Variants in GRIK5 observed in about 807,000 individuals in gnomAD.
The protein encoded by GRIK5 is glutamate ionotropic receptor kainate type subunit 5, also known as glutamate receptor ionotropic, kainate 5.
Under a neutral mutation model 97.4 loss-of-function variants are expected in GRIK5, and 43 were observed. The observed-to-expected ratio is 0.44, with a 90% CI of 0.35 to 0.57. The LOEUF (loss-of-function observed/expected upper bound fraction) is 0.57, where lower values mean the gene tolerates loss of function less well. GRIK5 is among the 20% of genes least tolerant of loss of function. The pLI is 0.01. For missense variants in GRIK5, 1,015 were observed against 1,382.0 expected (o/e 0.73, Z 4.21); for synonymous variants, 580 against 583.5 (o/e 0.99, Z 0.09).
intron 1 of GRIK5, among the ~76,000 whole-genome samples, chr19:42,068,035 A>G (rs1365787881): frequency 6.6e-6 from 1 of 152,198 alleles, no homozygotes; most frequent in African/African-American, 2.4e-5. Context: ...CAGGTACAAG[A>G]CTTGGGAGAA....
At chr19:42,016,191 G>A (rs2075621254) in intron 15 of GRIK5, among the ~76,000 whole-genome samples, 1 of 152,142 alleles carries the variant, frequency 6.6e-6, no homozygotes, top group South Asian at 2.1e-4. Context: ...AGGCCGAGGT[G>A]GGTGGATCAT....
Position 42,022,726 on chromosome 19 carries a change from A to G in GRIK5, c.1474-372T>C. On this transcript the variant is annotated intron_variant, in intron 12 of 19. Coordinates refer to ENST00000593562, the MANE Select transcript of GRIK5 (RefSeq NM_002088.5). This position sits in a 1 kb window ranked among gnomAD's most constrained non-coding sequence, Gnocchi z 4.2. ...AAGGGGCTGAGACTGACAGCACTCGAGATAATACAGGCCCGGACAGAACAC... is the reference window on the plus strand; with the variant it reads ...AAGGGGCTGAGACTGACAGCACTCGGGATAATACAGGCCCGGACAGAACAC... 1.1e-6 allele frequency: 1 copy of G among 893,944 alleles called. No individual in the cohort carries two copies. The highest frequency in any genetic ancestry group is 1.8e-5 in the African/African-American group (1 of 55,258). The allele number at this position is 893,944 out of a possible 1,614,324, so 55.4% of individuals were successfully genotyped here.
intron 15 of GRIK5, among the ~76,000 whole-genome samples, chr19:42,016,716 G>A (rs1019810458): frequency 4.6e-5 from 7 of 152,198 alleles, no homozygotes; most frequent in Non-Finnish European, 8.8e-5. Flanking sequence ...GTTAGTATGC[G>A]CATAGCATGG....
In GRIK5 at chr19:42,034,725, C is replaced by T. The variant is rs112667331; in HGVS notation, c.1473+7827G>A. Among the ~76,000 whole-genome samples, 362 of 152,208 alleles carry T rather than the reference C, an allele frequency of 2.4e-3. 5 individuals carry two copies. The highest frequency in any genetic ancestry group is 8.2e-3 in the African/African-American group (340 of 41,536). On this transcript the variant is annotated intron_variant, in intron 12 of 19. Coordinates refer to ENST00000593562, the MANE Select transcript of GRIK5 (RefSeq NM_002088.5). ...CACCCCTTTTAGGTCTCTTCTCAAACGTTATCCAACCACCTTGTCTAAAAC... is the reference window on the plus strand; with the variant it reads ...CACCCCTTTTAGGTCTCTTCTCAAATGTTATCCAACCACCTTGTCTAAAAC...
At position 42,021,968 on chromosome 19, in the gene GRIK5, C is replaced by A; in HGVS notation, c.1676G>T (p.Cys559Phe). The change falls in exon 14 of 20, where the codon TGC becomes TTC. Residue 559 changes from cysteine (C) to phenylalanine (F), a missense_variant. Coordinates refer to ENST00000593562, the MANE Select transcript of GRIK5 (RefSeq NM_002088.5). This position sits in a 1 kb window ranked among gnomAD's most constrained non-coding sequence, Gnocchi z 4.2. The part of the protein sequence containing the change: ...FMLLAYLAVS[C>F]VLFLAARLSP... ...TCACCTGGCAGCCAGAAACAGGACG[C>A]AGCTGACAGCCAGGTAGGCAAGAAG... 1 of 1,613,222 alleles carries A rather than the reference C, an allele frequency of 6.2e-7. No homozygotes were observed.
rs1599745717 is a variant in GRIK5, at chr19:42,006,530, G to A, written c.2037+115C>T. ...TGTGTTTTCTGCTCCCCAGCCTCCAGGCTGTCACTGACAATCAGTCCCTCT... is the reference window on the plus strand; with the variant it reads ...TGTGTTTTCTGCTCCCCAGCCTCCAAGCTGTCACTGACAATCAGTCCCTCT... On this transcript the variant is annotated intron_variant, in intron 16 of 19. Transcript: ENST00000593562. This position sits in a 1 kb window ranked among gnomAD's most constrained non-coding sequence, Gnocchi z 5.3. 1.1e-6 allele frequency: 1 copy of A among 885,860 alleles called. No individual in the cohort carries two copies. Among genetic ancestry groups the A allele is most frequent in the Non-Finnish European group, 1.8e-6 (1 of 564,330 alleles). 54.9% of individuals were successfully genotyped at this position (885,860 alleles called of 1,614,324 possible).
At chr19:42,055,480 ATG>A (rs2076171354) in intron 8 of GRIK5, among the ~76,000 whole-genome samples, 2 of 152,212 alleles carry the variant, frequency 1.3e-5, no homozygotes, top group Admixed American at 6.5e-5. Flanking sequence ...GACACCTGTT[ATG>A]AGCTAGGCTG....
At position 42,002,352 on chromosome 19, in the gene GRIK5, G is replaced by A; in HGVS notation, c.2514+980C>T. The A allele has an allele frequency of 1.4e-6, 1 of 717,652 alleles. No individual in the cohort carries two copies. 44.5% of individuals were successfully genotyped at this position (717,652 alleles called of 1,614,324 possible). On this transcript the variant is annotated intron_variant, in intron 19 of 19. Transcript: ENST00000593562. This position sits in a 1 kb window ranked among gnomAD's most constrained non-coding sequence, Gnocchi z 5.2. ...AGAAATGACAGCATATTTGTACGTT[G>A]GTGGCCTGAATCCAATAAAGAGAGG...
intron 15 of GRIK5, among the ~76,000 whole-genome samples, chr19:42,008,071 A>C (rs1555873139): frequency 1.3e-5 from 2 of 151,732 alleles, no homozygotes; most frequent in Admixed American, 6.6e-5. Flanking sequence ...TCACTCTGTC[A>C]CCCAGGCTGG....
At chr19:42,060,276 C>T (rs892526436) in intron 5 of GRIK5, among the ~76,000 whole-genome samples, 1 of 151,852 alleles carries the variant, frequency 6.6e-6, no homozygotes, top group Non-Finnish European at 1.5e-5. Context: ...TGAGCATGTG[C>T]TCTGTGCCAG....
At chr19:42,035,140 A>G (rs1220165618) in intron 12 of GRIK5, among the ~76,000 whole-genome samples, 2 of 151,878 alleles carry the variant, frequency 1.3e-5, no homozygotes, top group Non-Finnish European at 1.5e-5. Flanking sequence ...CACCACATCC[A>G]GCTAATTTTT....
Position 42,022,080 on chromosome 19 carries a change from C to G in GRIK5, c.1588-24G>C. 2.6e-6 allele frequency: 4 copies of G among 1,549,734 alleles called. No individual in the cohort carries two copies. The highest frequency in any genetic ancestry group is 3.6e-6 in the Non-Finnish European group (4 of 1,126,508). ...CCCTGTGGGGAGAGGGAGTGAGACCCGGAGACACCCCTGGCCTGAGCCTCA... is the reference window on the plus strand; with the variant it reads ...CCCTGTGGGGAGAGGGAGTGAGACCGGGAGACACCCCTGGCCTGAGCCTCA... On this transcript the variant is annotated intron_variant, in intron 13 of 19. Transcript: ENST00000593562. This position sits in a 1 kb window ranked among gnomAD's most constrained non-coding sequence, Gnocchi z 4.2.
At position 42,005,717 on chromosome 19, in the gene GRIK5, C is replaced by A. The variant is rs1555872342; in HGVS notation, c.2263+6G>T. On this transcript the variant is annotated splice_donor_region_variant and intron_variant, in intron 17 of 19. Transcript: ENST00000593562. ...CTGCTGTGTTCCACACCGTGCTGTG[C>A]CGTACCCAGCGGCATGCCAATGCCG... is the stretch of plus-strand genomic sequence containing the variant. 7 of 1,598,150 alleles carry A rather than the reference C, an allele frequency of 4.4e-6. No individual in the cohort carries two copies. In the East Asian group the frequency reaches 1.6e-4, roughly 36 times the overall value.
chr19:41,999,019 A>G lies in GRIK5; in HGVS notation c.2795T>C (p.Val932Ala). The G allele has an allele frequency of 1.8e-6, 2 of 1,141,130 alleles. No individual in the cohort carries two copies. The highest frequency in any genetic ancestry group is 2.2e-6 in the Non-Finnish European group (2 of 908,054). 70.7% of individuals were successfully genotyped at this position (1,141,130 alleles called of 1,614,324 possible). A position where few individuals can be genotyped will look rare whatever the true frequency, so the allele number is the denominator to read the frequency against. The change falls in exon 20 of 20, where the codon GTC (valine) becomes GCC (alanine). Residue 932 changes from valine to alanine, a missense_variant. Coordinates refer to ENST00000593562, the MANE Select transcript of GRIK5 (RefSeq NM_002088.5). This position sits in a 1 kb window ranked among gnomAD's most constrained non-coding sequence, Gnocchi z 5.0. Reference sequence around the variant, plus strand: ...CTGGATGCGCCGGCACTCCTGGCAGACGCGCACGTGGGTGCAGGGGGTGGG... The same window carrying G: ...CTGGATGCGCCGGCACTCCTGGCAGGCGCGCACGTGGGTGCAGGGGGTGGG... ...AAPTPCTHVR[V>A]CQECRRIQAL...
At chr19:42,055,474 C>T (rs1299639475) in intron 8 of GRIK5, among the ~76,000 whole-genome samples, 1 of 152,128 alleles carries the variant, frequency 6.6e-6, no homozygotes, top group African/African-American at 2.4e-5. Context: ...TTATCAGACA[C>T]CTGTTATGAG....
At chr19:42,010,369 CATTATA>C (rs1308531884) in intron 15 of GRIK5, among the ~76,000 whole-genome samples, 3 of 152,146 alleles carry the variant, frequency 2.0e-5, no homozygotes, top group Non-Finnish European at 4.4e-5. Context: ...CACCAAGACA[CATTATA>C]ATCAATTGCT....
At chr19:42,061,553 A>G (rs2076259757) in intron 5 of GRIK5, among the ~76,000 whole-genome samples, 1 of 152,166 alleles carries the variant, frequency 6.6e-6, no homozygotes, top group South Asian at 2.1e-4. Context: ...CAAGCTCCAT[A>G]CCCACAAATC....
Position 41,999,576 on chromosome 19 carries a change from C to G in GRIK5, c.2515-277G>C, listed in dbSNP as rs570753502. 6.6e-6 allele frequency among the ~76,000 whole-genome samples: 1 copy of G among 152,340 alleles called. No individual in the cohort carries two copies. The highest frequency in any genetic ancestry group is 2.1e-4 in the South Asian group (1 of 4,822). On this transcript the variant is annotated intron_variant, in intron 19 of 19. Coordinates refer to ENST00000593562, the MANE Select transcript of GRIK5 (RefSeq NM_002088.5). This position sits in a 1 kb window ranked among gnomAD's most constrained non-coding sequence, Gnocchi z 5.0. Reference sequence around the variant, plus strand: ...CCTAAGCTCCTCTCTTTCCTCTGGTCTTTTCACTGTCTCTAAATTTTCTCC... The same window carrying G: ...CCTAAGCTCCTCTCTTTCCTCTGGTGTTTTCACTGTCTCTAAATTTTCTCC...
At chr19:42,058,155 G>A (rs1763447947) in intron 6 of GRIK5, among the ~76,000 whole-genome samples, 1 of 152,152 alleles carries the variant, frequency 6.6e-6, no homozygotes, top group Non-Finnish European at 1.5e-5. Flanking sequence ...GCGGGCTACA[G>A]TCAGCAGTGA....
Sources: allele counts gnomAD v4.1 joint callset (sites outside exome capture counted in the v4.1 genomes callset), GRCh38; gene constraint gnomAD v4.1.1; non-coding constraint Gnocchi (gnomAD v3.1); transcripts MANE v1.5; gene names NCBI Gene and HGNC (gene_info 2026-07-23, HGNC 2026-07-21).